Variants in FN1 observed in about 807,000 individuals in gnomAD.
FN1 encodes the protein fibronectin.
Under a neutral mutation model 297.3 loss-of-function variants are expected in FN1, and 106 were observed. That is an observed-to-expected ratio of 0.36 (90% CI 0.30 to 0.42). FN1 has a LOEUF of 0.42. Among genes scored for constraint, FN1 ranks in the 10% least tolerant of loss-of-function variants. The probability of loss-of-function intolerance (pLI) is 1.00; values close to 1 mark genes in which losing one functional copy is unlikely to be tolerated. For synonymous variants in FN1, 1,149 were observed against 1,152.6 expected (o/e 1.00, Z 0.06); for missense variants, 2,690 against 3,124.9 (o/e 0.86, Z 3.32).
At chr2:215,394,243 C>A (rs971976262) in intron 24 of FN1, among the ~76,000 whole-genome samples, 2 of 152,206 alleles carry the variant, frequency 1.3e-5, no homozygotes, top group African/African-American at 4.8e-5. Flanking sequence ...TTTAGTCATA[C>A]TTCCATGTGA....
intron 44 of FN1, 120 bp downstream of exon 44, chr2:215,364,759 A>C: frequency 1.4e-6 from 1 of 720,056 alleles, no homozygotes. Context: ...GCCAACAGGA[A>C]ATGTGGTATT....
chr2:215,366,515 A>G (rs1181905935), intron 42 of FN1, among the ~76,000 whole-genome samples: 2 of 152,238 alleles, frequency 1.3e-5, no homozygotes, highest in South Asian at 2.1e-4. Flanking sequence ...TCCACATCAA[A>G]TAAGTCTGGT....
Position 215,416,150 on chromosome 2 carries a change from C to T in FN1, c.1820-1192G>A, listed in dbSNP as rs546564949. 7.2e-5 allele frequency among the ~76,000 whole-genome samples: 11 copies of T among 152,268 alleles called. No individual in the cohort carries two copies. The South Asian group carries it at 2.1e-3, about 29-fold the overall frequency. On this transcript the variant is annotated intron_variant, in intron 12 of 45. Coordinates refer to ENST00000354785, the MANE Select transcript of FN1 (RefSeq NM_212482.4). ...TTTCTGTAGCAGAAAAAATATATAA[C>T]TTGGATATCCATGTAGATTCAGAAA...
Position 215,376,778 on chromosome 2 carries a change from A to C in FN1, c.5711-104T>G, listed in dbSNP as rs2057352958. On this transcript the variant is annotated intron_variant, in intron 35 of 45. Transcript: ENST00000354785. Reference sequence around the variant, plus strand: ...GGTATATATCAAATTCATCCATTTCAAGAAATATATAACTAGTAATGTGTA... The same window carrying C: ...GGTATATATCAAATTCATCCATTTCCAGAAATATATAACTAGTAATGTGTA... 4 of 958,754 alleles carry C rather than the reference A, an allele frequency of 4.2e-6. No individual in the cohort carries two copies. In the East Asian group the frequency reaches 1.0e-4, roughly 24 times the overall value. 59.4% of individuals were successfully genotyped at this position (958,754 alleles called of 1,614,324 possible).
chr2:215,401,390 T>C (rs943593969), intron 20 of FN1, among the ~76,000 whole-genome samples: 1 of 152,048 alleles, frequency 6.6e-6, no homozygotes, highest in East Asian at 1.9e-4. Flanking sequence ...AAAGTTAAGA[T>C]AGAGATTTCC....
chr2:215,373,671 CTTTTTTTT>C (rs58966623), intron 38 of FN1, among the ~76,000 whole-genome samples: 3 of 125,450 alleles, frequency 2.4e-5, no homozygotes, highest in Non-Finnish European at 3.1e-5. Context: ...CCAGGGTATT[CTTTTTTTT>C]TTTTTTTTTT....
intron 20 of FN1, among the ~76,000 whole-genome samples, chr2:215,402,554 C>G (rs2061290958): frequency 6.6e-6 from 1 of 152,144 alleles, no homozygotes. Context: ...TTAGTAATTT[C>G]AAAAACATGC....
intron 31 of FN1, among the ~76,000 whole-genome samples, chr2:215,382,983 T>C (rs142391317): frequency 3.5e-4 from 53 of 151,922 alleles, no homozygotes; most frequent in African/African-American, 1.1e-3. Flanking sequence ...TCCTGTTGTA[T>C]ATGAGATGCA....
rs758511953 is a variant in FN1 at position 215,384,181 on chromosome 2, C to G, written c.4733G>C (p.Gly1578Ala). ...AGTGAACTCCTGGACAGGGCTATTT[C>G]CTCCTGTATGAAAAAGGGTTAGTTC... ...YYRITYGETG[G>A]NSPVQEFTVP... The change falls in exon 30 of 46, where the codon GGA becomes GCA. Residue 1578 changes from glycine to alanine, a missense_variant. By Grantham distance (60) the Gly-to-Ala change is moderately conservative. Transcript: ENST00000354785. 1 of 1,614,098 alleles carries G rather than the reference C, an allele frequency of 6.2e-7. No homozygotes were observed. Among genetic ancestry groups the G allele is most frequent in the South Asian group, 1.1e-5 (1 of 91,078 alleles).
intron 7 of FN1, 109 bp from the exon 8 acceptor site, chr2:215,424,434 G>C: frequency 2.4e-6 from 2 of 843,586 alleles, no homozygotes; most frequent in Non-Finnish European, 3.9e-6. Flanking sequence ...CTCAAAGGAA[G>C]AAGCTATGAG....
Position 215,414,745 on chromosome 2 carries a change from G to A in FN1, c.1941+92C>T, listed in dbSNP as rs375457187. 131 of 1,579,650 alleles carry A rather than the reference G, an allele frequency of 8.3e-5. 2 individuals carry two copies. In the South Asian group the frequency reaches 1.4e-3, roughly 17 times the overall value. ...AATGCTATAGGAATAGTTAATCAGA[G>A]TTGTTGGCTCAAAAGCTGGGAAAAA... On this transcript the variant is annotated intron_variant, in intron 13 of 45. Transcript: ENST00000354785.
chr2:215,424,427 A>G, intron 7 of FN1, 102 bp from the exon 8 acceptor site: 2 of 929,530 alleles, frequency 2.2e-6, no homozygotes, highest in Non-Finnish European at 3.4e-6. Flanking sequence ...TTGTGCCCTC[A>G]AAGGAAGAAG....
chr2:215,414,787 TGATAAGATTA>T (rs748735077), intron 13 of FN1, 40 bp downstream of exon 13: 11 of 1,611,564 alleles, frequency 6.8e-6, no homozygotes, highest in Non-Finnish European at 9.3e-6. Flanking sequence ...CCATCAGAAT[TGATAAGATTA>T]GGAGACTCAG....
intron 26 of FN1, among the ~76,000 whole-genome samples, chr2:215,391,253 G>A (rs2059671144): frequency 6.6e-6 from 1 of 152,118 alleles, no homozygotes; most frequent in Non-Finnish European, 1.5e-5. Flanking sequence ...TTATAAAAAT[G>A]AGAATAAAGC....
In FN1 at chr2:215,364,924, T is replaced by C; in HGVS notation, c.7206A>G (p.Glu2402=). 1 of 1,576,158 alleles carries C rather than the reference T, an allele frequency of 6.3e-7. No homozygotes were observed. Among genetic ancestry groups the C allele is most frequent in the South Asian group, 1.2e-5 (1 of 85,870 alleles). ...TYHVGEQWQK[E]YLGAICSCTC... ...TGCAGGAGCAAATGGCACCGAGATA[T>C]TCCTTCTGCCACTGTTCTCCTACGT... The change falls in exon 44 of 46, where the codon GAA becomes GAG. Residue 2402 remains glutamate, a synonymous_variant. Transcript: ENST00000354785.
At chr2:215,426,170 A>C (rs1342244869) in intron 6 of FN1, among the ~76,000 whole-genome samples, 1 of 107,892 alleles carries the variant, frequency 9.3e-6, no homozygotes, top group Admixed American at 1.4e-4. Flanking sequence ...TTTTTTTGAG[A>C]CGGAGTCTCA....
chr2:215,396,532 A>T lies in FN1; in HGVS notation c.3604+605T>A, dbSNP rs146730851. 1.4e-3 allele frequency among the ~76,000 whole-genome samples: 210 copies of T among 151,808 alleles called. 3 individuals are homozygous for T. The highest frequency in any genetic ancestry group is 4.1e-3 in the African/African-American group (171 of 41,452). ...TTTTCAGTTTGCATAGAATATAATT[A>T]AAAAAAAATTACATTCCAAATATGT... On this transcript the variant is annotated intron_variant, in intron 23 of 45. Transcript: ENST00000354785.
intron 7 of FN1, among the ~76,000 whole-genome samples, chr2:215,424,613 G>A (rs1406818375): frequency 2.0e-5 from 3 of 152,110 alleles, no homozygotes; most frequent in African/African-American, 7.2e-5. Flanking sequence ...GGTCAATTAA[G>A]GATGCTGCTT....
intron 40 of FN1, among the ~76,000 whole-genome samples, chr2:215,371,142 C>T (rs2055986531): frequency 6.6e-6 from 1 of 152,044 alleles, no homozygotes; most frequent in African/African-American, 2.4e-5. Context: ...GTGGCACATG[C>T]CTGTAATCCC....
Sources: allele counts gnomAD v4.1 joint callset (sites outside exome capture counted in the v4.1 genomes callset), GRCh38; gene constraint gnomAD v4.1.1; transcripts MANE v1.5; gene names NCBI Gene and HGNC (gene_info 2026-07-23, HGNC 2026-07-21).